Variants in PTPRD observed in about 807,000 individuals in gnomAD.
PTPRD encodes receptor-type tyrosine-protein phosphatase delta.
A neutral mutation model predicts 214.5 loss-of-function variants in PTPRD; 34 were observed. That is an observed-to-expected ratio of 0.16 (90% CI 0.12 to 0.21). The LOEUF (loss-of-function observed/expected upper bound fraction) is 0.21. Ranked by LOEUF, PTPRD falls within the 10% of genes least tolerant of loss-of-function variation. The pLI, the probability that PTPRD is intolerant of heterozygous loss-of-function variation, is 1.00. For synonymous variants in PTPRD, 1,128 were observed against 845.7 expected, an observed-to-expected ratio of 1.33 and a Z score of -5.79; for missense variants, 2,545 against 2,398.7, an observed-to-expected ratio of 1.06 and a Z score of -1.27.
chr9:10,106,807 G>T (rs185522679), intron 3 of PTPRD, among the ~76,000 whole-genome samples: 1 of 152,084 alleles, frequency 6.6e-6, no homozygotes, highest in East Asian at 1.9e-4. Flanking sequence ...TTTAAGGTCA[G>T]CTTAAATATG....
At chr9:9,989,005 G>T (rs1588268193) in intron 4 of PTPRD, among the ~76,000 whole-genome samples, 1 of 85,206 alleles carries the variant, frequency 1.2e-5, no homozygotes, top group Non-Finnish European at 2.0e-5. Flanking sequence ...AGAGCCCTTA[G>T]TTTCACTGAC....
Position 10,193,933 on chromosome 9 carries a change from C to T in PTPRD, c.-545+147030G>A, listed in dbSNP as rs549646796. On this transcript the variant is annotated intron_variant, in intron 3 of 45. Transcript: ENST00000381196. ...TGCTCCGAAACACGTTCCATTATAA[C>T]TGTTAAAGTGATCAACTATTGCTGT... Among the ~76,000 whole-genome samples, 5 of 152,212 alleles carry T rather than the reference C, an allele frequency of 3.3e-5. No homozygotes were observed. In the South Asian group the frequency reaches 1.0e-3, roughly 32 times the overall value.
intron 2 of PTPRD, among the ~76,000 whole-genome samples, chr9:10,349,269 G>A (rs1024225889): frequency 2.3e-4 from 33 of 144,898 alleles, no homozygotes; most frequent in African/African-American, 7.5e-4. Context: ...GGGGTGGGGG[G>A]CATCCTTAAC....
chr9:9,255,370 T>C (rs969165808), intron 9 of PTPRD, among the ~76,000 whole-genome samples: 1 of 152,086 alleles, frequency 6.6e-6, no homozygotes, highest in Non-Finnish European at 1.5e-5. Context: ...TATTCAATTG[T>C]TTCCTCCTAC....
At chr9:8,481,310 TTC>T (rs1304778863) in intron 30 of PTPRD, among the ~76,000 whole-genome samples, 1 of 152,012 alleles carries the variant, frequency 6.6e-6, no homozygotes, top group Non-Finnish European at 1.5e-5. Context: ...CTTTTTGAAA[TTC>T]TGTCACCTAG....
intron 3 of PTPRD, among the ~76,000 whole-genome samples, chr9:10,172,793 T>A (rs1380107800): frequency 1.3e-5 from 2 of 152,184 alleles, no homozygotes; most frequent in Non-Finnish European, 2.9e-5. Context: ...CCACTTAGCA[T>A]TCAGTGTTGG....
chr9:9,880,921 T>G (rs1459716556), intron 5 of PTPRD, among the ~76,000 whole-genome samples: 2 of 152,180 alleles, frequency 1.3e-5, no homozygotes, highest in Non-Finnish European at 2.9e-5. Context: ...TATTTGTATG[T>G]GTTCGAAATA....
chr9:10,225,706 A>T (rs556953205), intron 3 of PTPRD, among the ~76,000 whole-genome samples: 1 of 152,082 alleles, frequency 6.6e-6, no homozygotes. Flanking sequence ...TGTCGTATTC[A>T]TACTGTGGAT....
intron 8 of PTPRD, among the ~76,000 whole-genome samples, chr9:9,547,003 A>G (rs2154278467): frequency 6.6e-6 from 1 of 152,076 alleles, no homozygotes; most frequent in Non-Finnish European, 1.5e-5. Flanking sequence ...ACAAAAAATA[A>G]AAAATAAAAC....
Position 8,451,981 on chromosome 9 carries a change from T to A in PTPRD, c.3876-2144A>T, listed in dbSNP as rs764801236. ...TGAGCTGGAGGGTAGAAAAGAAAACTCTCTAAAGTAATTTAGCCCATTTCT... is the reference window on the plus strand; with the variant it reads ...TGAGCTGGAGGGTAGAAAAGAAAACACTCTAAAGTAATTTAGCCCATTTCT... On this transcript the variant is annotated intron_variant, in intron 33 of 45. Coordinates refer to ENST00000381196, the MANE Select transcript of PTPRD (RefSeq NM_002839.4). The A allele has an allele frequency of 1.8e-5, 7 of 384,150 alleles. No homozygotes were observed. The Admixed American group carries it at 2.5e-4, about 14-fold the overall frequency. 23.8% of individuals were successfully genotyped at this position (384,150 alleles called of 1,614,324 possible).
intron 4 of PTPRD, among the ~76,000 whole-genome samples, chr9:9,987,841 A>C (rs2095775078): frequency 6.6e-6 from 1 of 152,196 alleles, no homozygotes; most frequent in Admixed American, 6.5e-5. Context: ...AAATTGGATG[A>C]AGACAACTAG....
chr9:9,111,447 T>G (rs183223244), intron 10 of PTPRD, among the ~76,000 whole-genome samples: 1 of 152,106 alleles, frequency 6.6e-6, no homozygotes, highest in East Asian at 1.9e-4. Context: ...TCACTTTGGA[T>G]GTGGTCAGTC....
chr9:9,041,291 G>A (rs745330486), intron 10 of PTPRD, among the ~76,000 whole-genome samples: 1 of 152,164 alleles, frequency 6.6e-6, no homozygotes, highest in Non-Finnish European at 1.5e-5. Flanking sequence ...GGGGTTTACT[G>A]TACAGATTAT....
intron 5 of PTPRD, among the ~76,000 whole-genome samples, chr9:9,839,500 A>ACGTCCCTCT (rs2057744983): frequency 6.6e-6 from 1 of 151,692 alleles, no homozygotes; most frequent in African/African-American, 2.4e-5. Flanking sequence ...TACAAGGGAC[A>ACGTCCCTCT]TGAAGGACCT....
At chr9:9,180,552 C>T (rs1187672645) in intron 10 of PTPRD, among the ~76,000 whole-genome samples, 1 of 151,872 alleles carries the variant, frequency 6.6e-6, no homozygotes, top group East Asian at 1.9e-4. Context: ...ACATATGTAA[C>T]AAACCTGCAC....
chr9:9,213,362 C>T (rs1047855768), intron 9 of PTPRD, among the ~76,000 whole-genome samples: 3 of 152,080 alleles, frequency 2.0e-5, no homozygotes, highest in South Asian at 2.1e-4. Flanking sequence ...TAGACATCAA[C>T]GAAAGTTTAC....
intron 11 of PTPRD, among the ~76,000 whole-genome samples, chr9:9,014,761 A>G (rs1368218215): frequency 6.6e-6 from 1 of 152,180 alleles, no homozygotes; most frequent in Non-Finnish European, 1.5e-5. Flanking sequence ...CTGAAGTAAG[A>G]TGACTACTTA....
intron 11 of PTPRD, among the ~76,000 whole-genome samples, chr9:8,966,413 T>A (rs2099195134): frequency 6.7e-6 from 1 of 149,284 alleles, no homozygotes; most frequent in African/African-American, 2.5e-5. Context: ...CATAGACCAG[T>A]GGAAGAGAAA....
At chr9:10,069,343 A>G (rs562428018) in intron 3 of PTPRD, among the ~76,000 whole-genome samples, 1 of 152,116 alleles carries the variant, frequency 6.6e-6, no homozygotes, top group East Asian at 1.9e-4. Context: ...TTACAGTTCC[A>G]GGAGTGTGAG....
Sources: allele counts gnomAD v4.1 joint callset (sites outside exome capture counted in the v4.1 genomes callset), GRCh38; gene constraint gnomAD v4.1.1; transcripts MANE v1.5; gene names NCBI Gene and HGNC (gene_info 2026-07-23, HGNC 2026-07-21).